Variants in RBFOX1 observed in about 807,000 individuals in gnomAD.
RBFOX1 encodes RNA binding protein fox-1 homolog 1.
In RBFOX1, 8 loss-of-function variants were observed where a neutral mutation model predicts 57.7. The observed-to-expected ratio is 0.14, with a 90% CI of 0.08 to 0.25. RBFOX1 has a LOEUF of 0.25. Among genes scored for constraint, RBFOX1 ranks in the 10% least tolerant of loss-of-function variants. The probability of loss-of-function intolerance (pLI) is 1.00; values close to 1 mark genes in which losing one functional copy is unlikely to be tolerated. For missense variants in RBFOX1, 611 were observed against 548.5 expected (o/e 1.11, Z -1.14); for synonymous variants, 326 against 222.4 (o/e 1.47, Z -4.15).
chr16:6,667,739 C>T (rs1416757935), intron 3 of RBFOX1, among the ~76,000 whole-genome samples: 2 of 151,952 alleles, frequency 1.3e-5, no homozygotes, highest in Non-Finnish European at 2.9e-5. Flanking sequence ...AATATAGCCA[C>T]ATAGTTAGGC....
rs2059586235 is a variant in RBFOX1, at chr16:7,083,915, A to G, written c.27+31817A>G. Among the ~76,000 whole-genome samples, 4 of 152,086 alleles carry G rather than the reference A, an allele frequency of 2.6e-5. 1 individual carries two copies. The highest frequency in any genetic ancestry group is 5.9e-5 in the Non-Finnish European group (4 of 68,024). ...GAAGCTAGGAACCCTATCACTTAGC[A>G]TCCTGCCCACCTAGAGGTACCATGC... On this transcript the variant is annotated intron_variant, in intron 4 of 15. Transcript: ENST00000550418.
intron 4 of RBFOX1, among the ~76,000 whole-genome samples, chr16:7,479,365 A>T (rs773053057): frequency 6.6e-6 from 1 of 152,102 alleles, no homozygotes; most frequent in African/African-American, 2.4e-5. Context: ...TCCTGGGCTC[A>T]GTGTATCCTC....
At chr16:7,050,677 G>A (rs2049754513) in intron 3 of RBFOX1, among the ~76,000 whole-genome samples, 1 of 152,022 alleles carries the variant, frequency 6.6e-6, no homozygotes, top group Admixed American at 6.5e-5. Flanking sequence ...GGTGTCTTTT[G>A]AACATTTTTC....
intron 4 of RBFOX1, among the ~76,000 whole-genome samples, chr16:7,246,508 C>A (rs1182702664): frequency 6.6e-6 from 1 of 152,126 alleles, no homozygotes; most frequent in Non-Finnish European, 1.5e-5. Context: ...TCTCTCCAGT[C>A]TCTCCCTTAT....
intron 4 of RBFOX1, among the ~76,000 whole-genome samples, chr16:7,341,289 C>T (rs937699811): frequency 1.1e-4 from 17 of 152,118 alleles, no homozygotes; most frequent in African/African-American, 4.1e-4. Context: ...TTATCTTCAG[C>T]AATGGTCACT....
At chr16:7,389,552 G>T (rs1328620878) in intron 4 of RBFOX1, among the ~76,000 whole-genome samples, 2 of 152,304 alleles carry the variant, frequency 1.3e-5, no homozygotes, top group East Asian at 3.9e-4. Context: ...AACTCTGGAA[G>T]ATCCTTACAG....
intron 4 of RBFOX1, among the ~76,000 whole-genome samples, chr16:7,388,116 A>C (rs1338435875): frequency 6.6e-5 from 10 of 152,098 alleles, no homozygotes; most frequent in Non-Finnish European, 5.9e-5. Context: ...AAACATAATC[A>C]GTGTTTATTG....
chr16:6,084,175 A>G (rs992893016), intron 1 of RBFOX1, among the ~76,000 whole-genome samples: 1 of 152,148 alleles, frequency 6.6e-6, no homozygotes, highest in Admixed American at 6.5e-5. Context: ...GAGCACGTGT[A>G]AAGTGTTTTT....
intron 4 of RBFOX1, among the ~76,000 whole-genome samples, chr16:7,374,204 G>C (rs192154184): frequency 6.6e-6 from 1 of 152,252 alleles, no homozygotes; most frequent in East Asian, 1.9e-4. Flanking sequence ...GAATTTTGGG[G>C]ATTCAATATG....
chr16:5,390,116 T>C (rs1305728571), intron 1 of RBFOX1, among the ~76,000 whole-genome samples: 3 of 152,196 alleles, frequency 2.0e-5, no homozygotes, highest in Non-Finnish European at 4.4e-5. Flanking sequence ...GCATGGGTTA[T>C]GAATTCTAAC....
At chr16:7,405,233 A>C (rs954909699) in intron 4 of RBFOX1, among the ~76,000 whole-genome samples, 10 of 152,194 alleles carry the variant, frequency 6.6e-5, no homozygotes, top group Non-Finnish European at 1.0e-4. Flanking sequence ...AGTAGAAAGG[A>C]AAACAGCAGA....
intron 9 of RBFOX1, among the ~76,000 whole-genome samples, chr16:7,606,143 A>G: frequency 8.2e-6 from 1 of 121,688 alleles, no homozygotes; most frequent in Non-Finnish European, 1.7e-5. Flanking sequence ...TTTTTTCCCG[A>G]GAGAGTCTCA....
intron 4 of RBFOX1, among the ~76,000 whole-genome samples, chr16:7,107,666 C>G (rs776089428): frequency 6.6e-6 from 1 of 152,096 alleles, no homozygotes. Flanking sequence ...AACCACCAAT[C>G]CACTTTCTAT....
rs2154151650 is a variant in RBFOX1 at position 6,711,094 on chromosome 16, T to A, written c.-16+56444T>A. Among the ~76,000 whole-genome samples the A allele has an allele frequency of 1.3e-5, 2 of 152,340 alleles. 1 individual carries two copies. Among genetic ancestry groups the A allele is most frequent in the South Asian group, 4.2e-4 (2 of 4,818 alleles). ...ACTCTGGAGTCTTTCTTGACACTTC[T>A]GTTTCTCAAATATCATGCGTCTAAT... On this transcript the variant is annotated intron_variant, in intron 3 of 15. Transcript: ENST00000550418.
chr16:5,317,144 T>C (rs6500678), intron 1 of RBFOX1, among the ~76,000 whole-genome samples: 152,217 of 152,240 alleles, frequency 1, 76,097 homozygotes, highest in Non-Finnish European at 1. Flanking sequence ...CTGTTGTGAG[T>C]CTTCTCAGCC....
chr16:7,477,413 G>T (rs977411013), intron 4 of RBFOX1, among the ~76,000 whole-genome samples: 4 of 152,106 alleles, frequency 2.6e-5, no homozygotes, highest in African/African-American at 9.7e-5. Context: ...TGGGGGGTCG[G>T]GGGGTGGTTG....
chr16:5,965,456 G>A (rs1180977148), intron 4 of RBFOX1, among the ~76,000 whole-genome samples: 1 of 152,086 alleles, frequency 6.6e-6, no homozygotes, highest in East Asian at 1.9e-4. Context: ...CACAAAGCTA[G>A]GGGGTGGGGA....
intron 2 of RBFOX1, among the ~76,000 whole-genome samples, chr16:6,331,527 G>C (rs1329074741): frequency 6.7e-6 from 1 of 149,642 alleles, no homozygotes; most frequent in African/African-American, 2.5e-5. Flanking sequence ...TCCATTTTCT[G>C]TTTCTCTCTC....
chr16:6,458,491 C>G (rs1346658347), intron 2 of RBFOX1, among the ~76,000 whole-genome samples: 1 of 152,202 alleles, frequency 6.6e-6, no homozygotes, highest in Non-Finnish European at 1.5e-5. Flanking sequence ...ATACCAGGTG[C>G]TAAATAAGTT....
Sources: allele counts gnomAD v4.1 joint callset (sites outside exome capture counted in the v4.1 genomes callset), GRCh38; gene constraint gnomAD v4.1.1; transcripts MANE v1.5; gene names NCBI Gene and HGNC (gene_info 2026-07-23, HGNC 2026-07-21).